Variants in ICA1 observed in about 807,000 individuals in gnomAD.
The protein encoded by ICA1 is 69 kDa islet cell autoantigen.
A neutral mutation model predicts 71.0 loss-of-function variants in ICA1; 40 were observed. The observed-to-expected ratio is 0.56, with a 90% CI of 0.44 to 0.73. The LOEUF is 0.73. ICA1 is among the 30% of genes least tolerant of loss of function. The probability of loss-of-function intolerance (pLI) is 0.00; values close to 1 mark genes in which losing one functional copy is unlikely to be tolerated. For synonymous variants in ICA1, 207 were observed against 209.5 expected (o/e 0.99, Z 0.10); for missense variants, 578 against 576.5 (o/e 1.00, Z -0.03).
chr7:8,179,232 T>C (rs1350400884), intron 6 of ICA1, among the ~76,000 whole-genome samples: 1 of 152,144 alleles, frequency 6.6e-6, no homozygotes, highest in Non-Finnish European at 1.5e-5. Flanking sequence ...AAGAAAAACT[T>C]CTATTGATTT....
Position 8,218,168 on chromosome 7 carries a change from A to G in ICA1, c.579+137T>C, listed in dbSNP as rs1795952129. 7 of 708,628 alleles carry G rather than the reference A, an allele frequency of 9.9e-6. No homozygotes were observed. In the South Asian group the frequency reaches 1.2e-4, roughly 12 times the overall value. The allele number at this position is 708,628 out of a possible 1,614,324, so 43.9% of individuals were successfully genotyped here. A position where few individuals can be genotyped will look rare whatever the true frequency, so the allele number is the denominator to read the frequency against. On this transcript the variant is annotated intron_variant, in intron 6 of 13. Coordinates refer to ENST00000402384, the MANE Select transcript of ICA1 (RefSeq NM_001136020.3). The stretch of plus-strand genomic sequence containing the variant: ...GTATCACATTAATTGGTATTCTGTC[A>G]CATAAAAAGACACCAGCGATGATTA...
In ICA1 at chr7:8,173,485, G is replaced by A. The variant is rs868488187; in HGVS notation, c.580-14833C>T. On this transcript the variant is annotated intron_variant, in intron 6 of 13. Transcript: ENST00000402384. The surrounding 1 kb of genome is among the most constrained non-coding windows in gnomAD (Gnocchi z 4.0). ...ACAAAACCCTCACTGGGCACCTGTA[G>A]AGAATGCTAATGAACCAATTCAATA... Among the ~76,000 whole-genome samples, 3 of 152,182 alleles carry A rather than the reference G, an allele frequency of 2.0e-5. No individual in the cohort carries two copies. Among genetic ancestry groups the A allele is most frequent in the Non-Finnish European group, 2.9e-5 (2 of 68,030 alleles).
intron 5 of ICA1, 145 bp from the exon 6 acceptor site, chr7:8,218,648 C>A: frequency 1.5e-6 from 1 of 681,078 alleles, no homozygotes; most frequent in East Asian, 2.7e-5. Flanking sequence ...GAATAATAAT[C>A]GAAATGCATG....
chr7:8,204,624 T>C (rs1345643533), intron 6 of ICA1, among the ~76,000 whole-genome samples: 1 of 152,216 alleles, frequency 6.6e-6, no homozygotes, highest in African/African-American at 2.4e-5. Context: ...AATAAACCTA[T>C]CACATTGTTC....
intron 3 of ICA1, 26 bp from the exon 4 acceptor site, chr7:8,228,699 C>A (rs1216846044): frequency 6.8e-7 from 1 of 1,465,694 alleles, no homozygotes; most frequent in Non-Finnish European, 9.4e-7. Flanking sequence ...AAACAAAATG[C>A]AAAATAAAAC....
intron 1 of ICA1, among the ~76,000 whole-genome samples, chr7:8,248,535 T>C (rs769950499): frequency 6.6e-6 from 1 of 152,036 alleles, no homozygotes; most frequent in African/African-American, 2.4e-5. Context: ...GACCAGACGA[T>C]GAAACCCTAT....
chr7:8,262,069 C>G (rs954369850), intron 1 of ICA1, 25 bp downstream of exon 1: 1 of 152,248 alleles, frequency 6.6e-6, no homozygotes, highest in Non-Finnish European at 1.5e-5. Context: ...GGCGCGCCCC[C>G]GCCCCGACCC....
chr7:8,221,736 CTG>C (rs1327908433), intron 4 of ICA1, among the ~76,000 whole-genome samples: 1 of 152,186 alleles, frequency 6.6e-6, no homozygotes, highest in African/African-American at 2.4e-5. Context: ...TCAAGTATGA[CTG>C]TGGGAATCTT....
At chr7:8,256,111 C>T (rs989109531) in intron 1 of ICA1, among the ~76,000 whole-genome samples, 5 of 152,156 alleles carry the variant, frequency 3.3e-5, no homozygotes, top group Non-Finnish European at 7.3e-5. Flanking sequence ...AGGTTCTCTC[C>T]ATTCTACCTC....
At chr7:8,169,115 G>C (rs1319769133) in intron 6 of ICA1, among the ~76,000 whole-genome samples, 1 of 152,098 alleles carries the variant, frequency 6.6e-6, no homozygotes, top group Non-Finnish European at 1.5e-5. Context: ...ATGCCAAGTA[G>C]TCTATAGTCT....
intron 6 of ICA1, among the ~76,000 whole-genome samples, chr7:8,177,608 A>G (rs111239334): frequency 9.2e-5 from 14 of 152,114 alleles, no homozygotes; most frequent in African/African-American, 3.1e-4. Flanking sequence ...GCTATGTGAA[A>G]AGCTGAAGAA....
chr7:8,140,486 C>G (rs1688631120), intron 10 of ICA1, among the ~76,000 whole-genome samples: 1 of 152,186 alleles, frequency 6.6e-6, no homozygotes, highest in African/African-American at 2.4e-5. Context: ...ATCACATGTG[C>G]CCAAAGCCCT....
intron 6 of ICA1, among the ~76,000 whole-genome samples, chr7:8,165,042 A>C (rs1426519430): frequency 6.6e-6 from 1 of 152,118 alleles, no homozygotes; most frequent in African/African-American, 2.4e-5. Flanking sequence ...ATGCCACTGC[A>C]CTCCAGAAGC....
intron 6 of ICA1, among the ~76,000 whole-genome samples, chr7:8,176,304 C>A (rs1204470110): frequency 6.6e-6 from 1 of 152,246 alleles, no homozygotes; most frequent in Non-Finnish European, 1.5e-5. Context: ...AGCCCTCTTC[C>A]TTTTGGTCCA....
chr7:8,204,751 G>A (rs188099280), intron 6 of ICA1, among the ~76,000 whole-genome samples: 81 of 152,148 alleles, frequency 5.3e-4, no homozygotes, highest in South Asian at 2.1e-4. Flanking sequence ...TTTAAAGTAC[G>A]TTTTTCTTAT....
At chr7:8,182,606 T>G (rs1480523274) in intron 6 of ICA1, among the ~76,000 whole-genome samples, 1 of 152,152 alleles carries the variant, frequency 6.6e-6, no homozygotes, top group Non-Finnish European at 1.5e-5. Context: ...GGTGATATAT[T>G]TCCTCTAAAT....
intron 6 of ICA1, among the ~76,000 whole-genome samples, chr7:8,206,401 T>A (rs1292371715): frequency 6.6e-6 from 1 of 152,136 alleles, no homozygotes; most frequent in Non-Finnish European, 1.5e-5. Context: ...TCTTTGCCCC[T>A]AAAGCCTGAT....
At position 8,132,155 on chromosome 7, in the gene ICA1, C is replaced by T. The variant is rs1791680553; in HGVS notation, c.1061-4013G>A. ...CCAACAGACATGACGTACTCACATCCTCACCTGTCTCCAACTCCGTGACCT... is the reference window on the plus strand; with the variant it reads ...CCAACAGACATGACGTACTCACATCTTCACCTGTCTCCAACTCCGTGACCT... On this transcript the variant is annotated intron_variant, in intron 12 of 13. Coordinates refer to ENST00000402384, the MANE Select transcript of ICA1 (RefSeq NM_001136020.3). The surrounding 1 kb of genome is among the most constrained non-coding windows in gnomAD (Gnocchi z 4.5). Among the ~76,000 whole-genome samples the T allele has an allele frequency of 6.6e-6, 1 of 152,222 alleles. No individual in the cohort carries two copies. Among genetic ancestry groups the T allele is most frequent in the Admixed American group, 6.5e-5 (1 of 15,286 alleles).
At chr7:8,167,022 G>T (rs4601218) in intron 6 of ICA1, among the ~76,000 whole-genome samples, 1 of 152,170 alleles carries the variant, frequency 6.6e-6, no homozygotes, top group South Asian at 2.1e-4. Flanking sequence ...ATATACTGCT[G>T]GTGGGAATGT....
Sources: allele counts gnomAD v4.1 joint callset (sites outside exome capture counted in the v4.1 genomes callset), GRCh38; gene constraint gnomAD v4.1.1; non-coding constraint Gnocchi (gnomAD v3.1); transcripts MANE v1.5; gene names NCBI Gene and HGNC (gene_info 2026-07-23, HGNC 2026-07-21).